HNRNPF: variants seen among roughly 807,000 people sequenced by gnomAD.
HNRNPF encodes the protein heterogeneous nuclear ribonucleoprotein F, also known as HnRNP F protein.
In HNRNPF, 2 loss-of-function variants were observed where a neutral mutation model predicts 26.0. The ratio of observed to expected loss-of-function variants is 0.08; its 90% CI spans 0.03 to 0.24. The LOEUF (loss-of-function observed/expected upper bound fraction) is 0.24. Among genes scored for constraint, HNRNPF ranks in the 10% least tolerant of loss-of-function variants. The pLI is 1.00. For missense variants in HNRNPF, 299 were observed against 539.2 expected (o/e 0.55, Z 4.41); for synonymous variants, 234 against 211.5 (o/e 1.11, Z -0.92).
intron 1 of HNRNPF, among the ~76,000 whole-genome samples, chr10:43,398,940 C>G (rs1406457685): frequency 6.6e-6 from 1 of 152,190 alleles, no homozygotes; most frequent in Non-Finnish European, 1.5e-5. Flanking sequence ...ACTACAAGGA[C>G]AAATGAGCCA....
rs1294663737 is a variant in HNRNPF at position 43,386,532 on chromosome 10, C to T, written c.*105G>A. 2.7e-6 allele frequency: 3 copies of T among 1,113,292 alleles called. No homozygotes were observed. The highest frequency in any genetic ancestry group is 3.7e-6 in the Non-Finnish European group (3 of 812,820). 69.0% of individuals were successfully genotyped at this position (1,113,292 alleles called of 1,614,324 possible). On this transcript the variant is annotated 3_prime_UTR_variant, in exon 4 of 4. Coordinates refer to ENST00000682386, the MANE Select transcript of HNRNPF (RefSeq NM_001098204.2). ...TTTTAATCCAGATTTTTCACAAACT[C>T]ATGGTGCAAAATGGGTCCCCCAGCT...
chr10:43,401,390 GGACAAATTCT>G (rs1309088532), intron 1 of HNRNPF, among the ~76,000 whole-genome samples: 24 of 151,998 alleles, frequency 1.6e-4, no homozygotes, highest in Admixed American at 2.6e-4. Context: ...TTAATATAAG[GGACAAATTCT>G]GACCGATCAT....
At chr10:43,404,805 A>G (rs1838860734) in intron 1 of HNRNPF, among the ~76,000 whole-genome samples, 2 of 152,204 alleles carry the variant, frequency 1.3e-5, no homozygotes, top group East Asian at 3.8e-4. Context: ...CTGGGCAACA[A>G]AACCAAAACT....
chr10:43,396,150 TG>T (rs1470088099), intron 2 of HNRNPF, among the ~76,000 whole-genome samples: 5 of 151,530 alleles, frequency 3.3e-5, no homozygotes, highest in Non-Finnish European at 5.9e-5. Context: ...GATTAACGCT[TG>T]CCTTCAGGCA....
At chr10:43,391,711 C>T (rs115986543) in intron 3 of HNRNPF, among the ~76,000 whole-genome samples, 1,994 of 152,256 alleles carry the variant, frequency 0.013, 34 homozygotes, top group African/African-American at 0.044. Flanking sequence ...CAGCGGACAT[C>T]GTGAACAACA....
At chr10:43,404,973 C>T (rs1248232088) in intron 1 of HNRNPF, among the ~76,000 whole-genome samples, 1 of 152,118 alleles carries the variant, frequency 6.6e-6, no homozygotes, top group Non-Finnish European at 1.5e-5. Context: ...GACAGCCCGA[C>T]AAATATAACG....
Position 43,387,254 on chromosome 10 carries a change from C to A in HNRNPF, c.631G>T (p.Asp211Tyr), listed in dbSNP as rs368726285. ...TACCTCCTGGCAGTCCCGGGCCGGT[C>A]ATAGGGCCCTGGCCGCTGCACGGAC... ...FMSVQRPGPYDRPGTARRYIG... is the reference protein window; with the variant it reads ...FMSVQRPGPYYRPGTARRYIG... Residue 211 changes from aspartate (D) to tyrosine (Y), a missense_variant, in exon 4 of 4, where the codon GAC becomes TAC. This residue lies in a region of HNRNPF where 15 missense variants were observed against 40.3 expected (regional missense o/e 0.37). Coordinates refer to ENST00000682386, the MANE Select transcript of HNRNPF (RefSeq NM_001098204.2). This position sits in a 1 kb window ranked among gnomAD's most constrained non-coding sequence, Gnocchi z 6.0. The A allele has an allele frequency of 6.2e-7, 1 of 1,614,076 alleles. No homozygotes were observed. Among genetic ancestry groups the A allele is most frequent in the African/African-American group, 1.3e-5 (1 of 74,932 alleles).
intron 1 of HNRNPF, among the ~76,000 whole-genome samples, chr10:43,401,437 A>C (rs2077683760): frequency 6.6e-6 from 1 of 152,236 alleles, no homozygotes; most frequent in African/African-American, 2.4e-5. Flanking sequence ...GCTGTTTGAT[A>C]TTGACTGCAT....
Position 43,386,488 on chromosome 10 carries a change from A to T in HNRNPF, c.*149T>A. 1.4e-6 allele frequency: 1 copy of T among 722,982 alleles called. No homozygotes were observed. Among genetic ancestry groups the T allele is most frequent in the African/African-American group, 1.8e-5 (1 of 56,472 alleles). 44.8% of individuals were successfully genotyped at this position (722,982 alleles called of 1,614,324 possible). A position where few individuals can be genotyped will look rare whatever the true frequency, so the allele number is the denominator to read the frequency against. On this transcript the variant is annotated 3_prime_UTR_variant, in exon 4 of 4. Coordinates refer to ENST00000682386, the MANE Select transcript of HNRNPF (RefSeq NM_001098204.2). ...TGCTAGAAGAAAATTTTGCATGAGA[A>T]AACACTGAAGAGGTAATTTTTTAAT... is the stretch of plus-strand genomic sequence containing the variant.
At position 43,404,943 on chromosome 10, in the gene HNRNPF, G is replaced by T. The variant is rs116993644; in HGVS notation, c.-247+4188C>A. Among the ~76,000 whole-genome samples, 1,292 of 152,312 alleles carry T rather than the reference G, an allele frequency of 8.5e-3. 11 individuals carry two copies. Among genetic ancestry groups the T allele is most frequent in the Non-Finnish European group, 0.014 (963 of 68,028 alleles). On this transcript the variant is annotated intron_variant, in intron 1 of 3. Transcript: ENST00000682386. ...AAAAACAATCAGAAAAATGCGAAGTGTGGGGAAGGAATGCTGCAAGACAGC... is the reference window on the plus strand; with the variant it reads ...AAAAACAATCAGAAAAATGCGAAGTTTGGGGAAGGAATGCTGCAAGACAGC...
chr10:43,395,718 A>G (rs1554789647), intron 2 of HNRNPF, among the ~76,000 whole-genome samples: 3 of 152,220 alleles, frequency 2.0e-5, no homozygotes, highest in Non-Finnish European at 4.4e-5. Context: ...TAAAGGGTGG[A>G]ACCCAGTCAT....
intron 1 of HNRNPF, among the ~76,000 whole-genome samples, chr10:43,404,275 T>G (rs1838841781): frequency 7.1e-6 from 1 of 139,964 alleles, no homozygotes; most frequent in African/African-American, 2.7e-5. Context: ...CACTCCAGCC[T>G]GGGTGACAGA....
chr10:43,401,358 A>G (rs1038856677), intron 1 of HNRNPF, among the ~76,000 whole-genome samples: 2 of 152,192 alleles, frequency 1.3e-5, no homozygotes, highest in African/African-American at 4.8e-5. Context: ...GATAAATTTT[A>G]TCTATACTGT....
intron 3 of HNRNPF, among the ~76,000 whole-genome samples, chr10:43,392,672 T>C (rs188027061): frequency 1.3e-5 from 2 of 152,356 alleles, no homozygotes; most frequent in Admixed American, 1.3e-4. Flanking sequence ...CTGTTGGCAA[T>C]TACTGTTGGT....
chr10:43,408,576 G>A (rs1017440520), intron 1 of HNRNPF, among the ~76,000 whole-genome samples: 43 of 151,980 alleles, frequency 2.8e-4, no homozygotes, highest in African/African-American at 9.4e-4. Flanking sequence ...AATAGGCCCA[G>A]TCCCCAGGTA....
chr10:43,386,458 T>C lies in HNRNPF; in HGVS notation c.*179A>G. On this transcript the variant is annotated 3_prime_UTR_variant, in exon 4 of 4. Coordinates refer to ENST00000682386, the MANE Select transcript of HNRNPF (RefSeq NM_001098204.2). ...GAAAATAGTTTTAGTTTACTCATTA[T>C]CACATGCTAGAAGAAAATTTTGCAT... 1 of 590,694 alleles carries C rather than the reference T, an allele frequency of 1.7e-6. No homozygotes were observed. Among genetic ancestry groups the C allele is most frequent in the East Asian group, 2.8e-5 (1 of 36,346 alleles). 36.6% of individuals were successfully genotyped at this position (590,694 alleles called of 1,614,324 possible). A position where few individuals can be genotyped will look rare whatever the true frequency, so the allele number is the denominator to read the frequency against.
At chr10:43,397,156 G>T (rs1045843773) in intron 1 of HNRNPF, 1 of 152,016 alleles carries the variant, frequency 6.6e-6, no homozygotes, top group African/African-American at 2.4e-5. Flanking sequence ...CTGGAGTGGC[G>T]GGGCCGGGGC....
intron 3 of HNRNPF, among the ~76,000 whole-genome samples, chr10:43,390,538 C>G (rs1226756187): frequency 6.6e-6 from 1 of 152,200 alleles, no homozygotes; most frequent in African/African-American, 2.4e-5. Context: ...TGCTATCCCC[C>G]TCCTTTGTAG....
intron 3 of HNRNPF, 109 bp from the exon 4 acceptor site, chr10:43,388,045 A>G: frequency 1.6e-6 from 1 of 612,450 alleles, no homozygotes; most frequent in Non-Finnish European, 2.8e-6. Flanking sequence ...TACAATTGAG[A>G]GCTAAGAGTT....
Sources: gnomAD v4.1 joint callset for allele counts (sites outside exome capture counted in the v4.1 genomes callset) on GRCh38, gnomAD v4.1.1 for gene constraint, gnomAD v4.1.1 regional missense constraint, Gnocchi (gnomAD v3.1) non-coding constraint, MANE v1.5 for transcripts, NCBI Gene and HGNC (gene_info 2026-07-23, HGNC 2026-07-21) for gene names.